Variants in ZBTB46 observed in about 807,000 individuals in gnomAD.
ZBTB46 encodes the protein zinc finger and BTB domain containing 46.
A neutral mutation model predicts 44.1 loss-of-function variants in ZBTB46; 8 were observed. The ratio of observed to expected loss-of-function variants is 0.18; its 90% CI spans 0.11 to 0.33. The LOEUF is 0.33. Ranked by LOEUF, ZBTB46 falls within the 10% of genes least tolerant of loss-of-function variation. The pLI is 1.00. For missense variants in ZBTB46, 651 were observed against 847.7 expected (o/e 0.77, Z 2.88); for synonymous variants, 409 against 382.3 (o/e 1.07, Z -0.81).
At position 63,768,611 on chromosome 20, in the gene ZBTB46, G is replaced by GA. The variant is rs373712375; in HGVS notation, c.1222+7066dup. On this transcript the variant is annotated intron_variant, in intron 3 of 4. Coordinates refer to ENST00000245663, the MANE Select transcript of ZBTB46 (RefSeq NM_001369741.1). Reference sequence around the variant, plus strand: ...GACAAAGCCAGACTCTGTCTCAAAAGAAAAAAAAAAAAAGTGGTTGAGCTC... The same window carrying GA: ...GACAAAGCCAGACTCTGTCTCAAAAGAAAAAAAAAAAAAAGTGGTTGAGCTC... Among the ~76,000 whole-genome samples the GA allele has an allele frequency of 4.8e-3, 644 of 133,516 alleles. 6 individuals carry two copies. Among genetic ancestry groups the GA allele is most frequent in the Admixed American group, 0.025 (333 of 13,332 alleles). 87.6% of individuals were successfully genotyped at this position (133,516 alleles called of 152,430 possible). A position where few individuals can be genotyped will look rare whatever the true frequency, so the allele number is the denominator to read the frequency against.
chr20:63,791,472 G>A (rs1358737953), intron 1 of ZBTB46, among the ~76,000 whole-genome samples: 1 of 147,860 alleles, frequency 6.8e-6, no homozygotes, highest in African/African-American at 2.5e-5. Flanking sequence ...CTCCAGCCTG[G>A]GCGACAGGGC....
At chr20:63,782,327 A>G (rs2092477878) in intron 2 of ZBTB46, among the ~76,000 whole-genome samples, 1 of 152,060 alleles carries the variant, frequency 6.6e-6, no homozygotes, top group African/African-American at 2.4e-5. Context: ...CCGTCAGCAG[A>G]GAAGGAGGCA....
At position 63,787,217 on chromosome 20, in the gene ZBTB46, T is replaced by G. The variant is rs1434346657; in HGVS notation, c.937+2604A>C. Among the ~76,000 whole-genome samples, 2 of 152,076 alleles carry G rather than the reference T, an allele frequency of 1.3e-5. No individual in the cohort carries two copies. Among genetic ancestry groups the G allele is most frequent in the African/African-American group, 4.8e-5 (2 of 41,416 alleles). On this transcript the variant is annotated intron_variant, in intron 2 of 4. Coordinates refer to ENST00000245663, the MANE Select transcript of ZBTB46 (RefSeq NM_001369741.1). The surrounding 1 kb of genome is among the most constrained non-coding windows in gnomAD (Gnocchi z 4.6). ...CAGATAACCACTGTGGTCCCGTAGA[T>G]TAGAACGCAGCCGGGAAATTCCTGT...
At chr20:63,807,122 C>T (rs954980822) in intron 1 of ZBTB46, among the ~76,000 whole-genome samples, 2 of 151,996 alleles carry the variant, frequency 1.3e-5, no homozygotes, top group African/African-American at 4.8e-5. Flanking sequence ...TAGAATTCAA[C>T]AGTGAAGTGA....
chr20:63,822,125 CATG>C (rs2092795481), intron 1 of ZBTB46, among the ~76,000 whole-genome samples: 1 of 152,222 alleles, frequency 6.6e-6, no homozygotes, highest in Non-Finnish European at 1.5e-5. Context: ...ATTTTAGAAA[CATG>C]AACACAGCCC....
chr20:63,754,692 C>T (rs938923994), intron 3 of ZBTB46, among the ~76,000 whole-genome samples: 74 of 152,028 alleles, frequency 4.9e-4, no homozygotes, highest in Non-Finnish European at 8.7e-4. Flanking sequence ...CTCTGCCTCC[C>T]GGGTTCACAT....
At chr20:63,799,692 A>G (rs2092628958) in intron 1 of ZBTB46, among the ~76,000 whole-genome samples, 1 of 152,212 alleles carries the variant, frequency 6.6e-6, no homozygotes, top group Non-Finnish European at 1.5e-5. Flanking sequence ...GAACAGACAC[A>G]TCACAAAGAA....
At chr20:63,800,682 C>T (rs929608291) in intron 1 of ZBTB46, among the ~76,000 whole-genome samples, 1 of 152,242 alleles carries the variant, frequency 6.6e-6, no homozygotes, top group Non-Finnish European at 1.5e-5. Flanking sequence ...AGGGGCTTAG[C>T]ACCCGGGCCA....
intron 3 of ZBTB46, chr20:63,768,077 G>C: frequency 4.1e-6 from 4 of 985,448 alleles, no homozygotes; most frequent in Non-Finnish European, 4.8e-6. Context: ...ACTCACCTGG[G>C]ATGTTGTCCA....
At chr20:63,802,811 C>T (rs1215144497) in intron 1 of ZBTB46, among the ~76,000 whole-genome samples, 1 of 149,448 alleles carries the variant, frequency 6.7e-6, no homozygotes. Context: ...GAACCTCAGG[C>T]CCCCAGCACC....
At position 63,810,269 on chromosome 20, in the gene ZBTB46, G is replaced by A. The variant is rs146723199; in HGVS notation, c.-33-19479C>T. On this transcript the variant is annotated intron_variant, in intron 1 of 4. Coordinates refer to ENST00000245663, the MANE Select transcript of ZBTB46 (RefSeq NM_001369741.1). ...CAATTCGAAGATGGCCCAGAAAACC[G>A]TCAAGTATTAAAACTGAGCAAAACC... is the stretch of plus-strand genomic sequence containing the variant. Among the ~76,000 whole-genome samples, 461 of 152,240 alleles carry A rather than the reference G, an allele frequency of 3.0e-3. 2 individuals carry two copies. Among genetic ancestry groups the A allele is most frequent in the African/African-American group, 0.01 (419 of 41,548 alleles).
intron 2 of ZBTB46, among the ~76,000 whole-genome samples, chr20:63,781,051 G>C (rs1401553884): frequency 2.1e-5 from 3 of 143,678 alleles, no homozygotes; most frequent in African/African-American, 7.9e-5. Flanking sequence ...TGAGGCAAGA[G>C]AATGGCGTGA....
At chr20:63,800,604 C>A (rs556810059) in intron 1 of ZBTB46, among the ~76,000 whole-genome samples, 6 of 152,222 alleles carry the variant, frequency 3.9e-5, no homozygotes, top group Non-Finnish European at 8.8e-5. Context: ...GCGGCGCTTG[C>A]GGGCCAGCTA....
chr20:63,813,795 T>C (rs367930814), intron 1 of ZBTB46, among the ~76,000 whole-genome samples: 1 of 152,100 alleles, frequency 6.6e-6, no homozygotes, highest in Non-Finnish European at 1.5e-5. Context: ...ACAGTGAAAA[T>C]GTGCAGGCCA....
In ZBTB46 at chr20:63,803,549, G is replaced by A. The variant is rs2092662949; in HGVS notation, c.-33-12759C>T. On this transcript the variant is annotated intron_variant, in intron 1 of 4. Coordinates refer to ENST00000245663, the MANE Select transcript of ZBTB46 (RefSeq NM_001369741.1). The surrounding 1 kb of genome is among the most constrained non-coding windows in gnomAD (Gnocchi z 4.0). ...TGAAGATGCAAAGCCATGTCTGCCG[G>A]CCCCGGGCTGCCCAGGCCCCGGGCT... is the stretch of plus-strand genomic sequence containing the variant. 14 of 977,114 alleles carry A rather than the reference G, an allele frequency of 1.4e-5. No homozygotes were observed. The highest frequency in any genetic ancestry group is 1.7e-5 in the Non-Finnish European group (14 of 826,556). The allele number at this position is 977,114 out of a possible 1,614,324, so 60.5% of individuals were successfully genotyped here.
At chr20:63,802,789 T>TG (rs1366117136) in intron 1 of ZBTB46, among the ~76,000 whole-genome samples, 1 of 76,904 alleles carries the variant, frequency 1.3e-5, no homozygotes, top group Non-Finnish European at 2.5e-5. Flanking sequence ...GGAACCGCCG[T>TG]GGCCGACGAC....
chr20:63,822,529 C>T (rs2092797979), intron 1 of ZBTB46, among the ~76,000 whole-genome samples: 1 of 152,176 alleles, frequency 6.6e-6, no homozygotes, highest in Non-Finnish European at 1.5e-5. Context: ...GGGCTCAGTC[C>T]TACACCAGAC....
intron 1 of ZBTB46, among the ~76,000 whole-genome samples, chr20:63,827,357 C>G (rs1037478451): frequency 1.9e-4 from 29 of 152,130 alleles, no homozygotes; most frequent in Non-Finnish European, 3.4e-4. Flanking sequence ...CCTGTAATCC[C>G]AGCACTTTGG....
At position 63,794,457 on chromosome 20, in the gene ZBTB46, C is replaced by T. The variant is rs145971278; in HGVS notation, c.-33-3667G>A. Among the ~76,000 whole-genome samples the T allele has an allele frequency of 5.8e-4, 88 of 152,176 alleles. 1 individual carries two copies. Among genetic ancestry groups the T allele is most frequent in the Non-Finnish European group, 7.4e-4 (50 of 67,970 alleles). On this transcript the variant is annotated intron_variant, in intron 1 of 4. Transcript: ENST00000245663. ...ATCTTCCCACCTCGGCCTCCCAAAG[C>T]ACTGGAATTACAGGCGTGAACCACC...
Sources: gnomAD v4.1 joint callset for allele counts (sites outside exome capture counted in the v4.1 genomes callset) on GRCh38, gnomAD v4.1.1 for gene constraint, Gnocchi (gnomAD v3.1) non-coding constraint, MANE v1.5 for transcripts, NCBI Gene and HGNC (gene_info 2026-07-23, HGNC 2026-07-21) for gene names.